TFDP2: variants seen among roughly 807,000 people sequenced by gnomAD.
TFDP2 encodes the protein transcription factor Dp-2.
In TFDP2, 17 loss-of-function variants were observed where a neutral mutation model predicts 59.3. The observed-to-expected ratio is 0.29, with a 90% CI of 0.20 to 0.43. The LOEUF is 0.43. TFDP2 is among the 20% of genes least tolerant of loss of function. The pLI is 1.00. For synonymous variants in TFDP2, 180 were observed against 194.7 expected, an observed-to-expected ratio of 0.92 and a Z score of 0.63; for missense variants, 391 against 528.8, an observed-to-expected ratio of 0.74 and a Z score of 2.56.
At chr3:142,148,460 C>T (rs2063253101) in intron 1 of TFDP2, among the ~76,000 whole-genome samples, 1 of 152,198 alleles carries the variant, frequency 6.6e-6, no homozygotes, top group Admixed American at 6.5e-5. Context: ...GGAGGATTTT[C>T]TTACGATTGC....
chr3:142,115,820 TGTG>T (rs1377360609), intron 1 of TFDP2, among the ~76,000 whole-genome samples: 50 of 152,200 alleles, frequency 3.3e-4, no homozygotes, highest in Admixed American at 3.3e-3. Flanking sequence ...GTATCTTGAT[TGTG>T]GTGGTGGCTA....
chr3:142,007,383 T>C (rs1944302679), intron 3 of TFDP2, among the ~76,000 whole-genome samples: 1 of 152,088 alleles, frequency 6.6e-6, no homozygotes, highest in South Asian at 2.1e-4. Context: ...CTAGAAATGA[T>C]CTTCAGATCT....
chr3:142,107,221 CT>C (rs942515580), intron 1 of TFDP2, among the ~76,000 whole-genome samples: 10 of 150,448 alleles, frequency 6.6e-5, no homozygotes, highest in African/African-American at 2.4e-4. Context: ...AAGATATTTT[CT>C]TTTTTTTCTT....
chr3:142,070,619 G>A (rs1201801108), intron 3 of TFDP2, among the ~76,000 whole-genome samples: 5 of 152,160 alleles, frequency 3.3e-5, no homozygotes, highest in Non-Finnish European at 7.3e-5. Flanking sequence ...TATGAATGAG[G>A]TTGAGTACCG....
At chr3:141,962,298 A>C (rs1222499164) in intron 10 of TFDP2, among the ~76,000 whole-genome samples, 1 of 151,982 alleles carries the variant, frequency 6.6e-6, no homozygotes, top group Non-Finnish European at 1.5e-5. Flanking sequence ...CATAACCTCT[A>C]CTATTTCTTT....
chr3:141,958,519 G>C (rs966505692), intron 11 of TFDP2, among the ~76,000 whole-genome samples: 2 of 152,132 alleles, frequency 1.3e-5, no homozygotes, highest in African/African-American at 4.8e-5. Context: ...TGAAATGTAA[G>C]AGAATGGTTA....
At chr3:142,069,918 T>C (rs1024449702) in intron 3 of TFDP2, among the ~76,000 whole-genome samples, 45 of 152,102 alleles carry the variant, frequency 3.0e-4, no homozygotes, top group Middle Eastern at 3.4e-3. Flanking sequence ...CTTTTTTCTT[T>C]TTTTTGAGAT....
At chr3:142,079,314 A>T (rs1359847555) in intron 3 of TFDP2, among the ~76,000 whole-genome samples, 1 of 152,148 alleles carries the variant, frequency 6.6e-6, no homozygotes, top group Non-Finnish European at 1.5e-5. Context: ...AAAACAAAAA[A>T]CAAAAAACAC....
chr3:141,995,266 A>C (rs1415072498), intron 4 of TFDP2, 125 bp from the exon 5 acceptor site: 1 of 672,474 alleles, frequency 1.5e-6, no homozygotes, highest in Middle Eastern at 4.7e-4. Flanking sequence ...ACTTAATGTC[A>C]GTCATCTAAA....
chr3:141,996,681 T>C (rs575684135), intron 4 of TFDP2, among the ~76,000 whole-genome samples: 19 of 152,294 alleles, frequency 1.2e-4, no homozygotes, highest in African/African-American at 3.6e-4. Flanking sequence ...AGTCAAACAA[T>C]AACCTCTGAA....
chr3:142,006,771 T>C (rs1944246561), intron 3 of TFDP2, among the ~76,000 whole-genome samples: 1 of 151,336 alleles, frequency 6.6e-6, no homozygotes, highest in African/African-American at 2.4e-5. Context: ...CCAGCCTAAA[T>C]GACTTCTTTT....
intron 6 of TFDP2, among the ~76,000 whole-genome samples, chr3:141,991,706 G>A (rs548944526): frequency 8.0e-4 from 122 of 151,978 alleles, no homozygotes; most frequent in African/African-American, 2.6e-3. Context: ...CCAAGATTGC[G>A]CTACTGCACT....
Position 142,138,159 on chromosome 3 carries a change from C to T in TFDP2, c.-93+11024G>A, listed in dbSNP as rs570760581. Among the ~76,000 whole-genome samples, 6 of 152,248 alleles carry T rather than the reference C, an allele frequency of 3.9e-5. No homozygotes were observed. The East Asian group carries it at 5.8e-4, about 15-fold the overall frequency. The stretch of plus-strand genomic sequence containing the variant: ...TCTCCTAGATTTTCTAGTTTATTTG[C>T]GTAGAGGTGTTTATAGTATTCTCTG... On this transcript the variant is annotated intron_variant, in intron 1 of 12. Transcript: ENST00000489671.
chr3:142,005,486 T>C lies in TFDP2; in HGVS notation c.141A>G (p.Leu47=), dbSNP rs7627056. 0.051 allele frequency: 82,048 copies of C among 1,610,842 alleles called. 2,356 individuals carry two copies. Among genetic ancestry groups the C allele is most frequent in the South Asian group, 0.075 (6,804 of 90,636 alleles). The part of the protein sequence containing the change: ...VSNTNSPTKI[L]PKTLGPINVN... ...CATTTATTGGTCCTAAGGTTTTTGGTAAAATCTTTGTAGGTGAGTTGGTAT... is the reference window on the plus strand; with the variant it reads ...CATTTATTGGTCCTAAGGTTTTTGGCAAAATCTTTGTAGGTGAGTTGGTAT... Residue 47 remains leucine, a synonymous_variant, in exon 4 of 13, where the codon TTA becomes TTG. Coordinates refer to ENST00000489671, the MANE Select transcript of TFDP2 (RefSeq NM_001178139.2).
At chr3:142,115,722 GTTGT>G (rs2061834009) in intron 1 of TFDP2, among the ~76,000 whole-genome samples, 3 of 152,138 alleles carry the variant, frequency 2.0e-5, no homozygotes, top group African/African-American at 4.8e-5. Context: ...ATACTATGAT[GTTGT>G]TTTTTTCATT....
At chr3:142,117,866 G>A (rs1289718553) in intron 1 of TFDP2, among the ~76,000 whole-genome samples, 1 of 152,164 alleles carries the variant, frequency 6.6e-6, no homozygotes, top group East Asian at 1.9e-4. Context: ...GGAGGCTGAG[G>A]GAGGTGGATC....
chr3:142,093,891 A>G (rs898388224), intron 2 of TFDP2: 12 of 453,454 alleles, frequency 2.6e-5, no homozygotes, highest in African/African-American at 4.1e-5. Context: ...ACTAAATGAG[A>G]TAATTCATGT....
intron 10 of TFDP2, among the ~76,000 whole-genome samples, chr3:141,961,955 T>C (rs1937416716): frequency 6.6e-6 from 1 of 152,030 alleles, no homozygotes; most frequent in African/African-American, 2.4e-5. Flanking sequence ...GAATCCACTC[T>C]TTTTTTGGGG....
At chr3:142,086,896 C>T (rs2060823846) in intron 3 of TFDP2, among the ~76,000 whole-genome samples, 1 of 152,194 alleles carries the variant, frequency 6.6e-6, no homozygotes, top group Admixed American at 6.5e-5. Flanking sequence ...AAAGTCACTC[C>T]TAATTACCCA....
Sources: allele counts gnomAD v4.1 joint callset (sites outside exome capture counted in the v4.1 genomes callset), GRCh38; gene constraint gnomAD v4.1.1; transcripts MANE v1.5; gene names NCBI Gene and HGNC (gene_info 2026-07-23, HGNC 2026-07-21).